MPDZ: variants seen among roughly 807,000 people sequenced by gnomAD.
The protein encoded by MPDZ is multiple PDZ domain crumbs cell polarity complex component, also known as multiple PDZ domain protein.
Under a neutral mutation model 239.1 loss-of-function variants are expected in MPDZ, and 234 were observed. The observed-to-expected ratio is 0.98, with a 90% CI of 0.88 to 1.09. The LOEUF is 1.09. Ranked by LOEUF, MPDZ falls within the 50% of genes least tolerant of loss-of-function variation. The pLI is 0.00. For missense variants in MPDZ, 3,175 were observed against 2,510.0 expected, an observed-to-expected ratio of 1.26 and a Z score of -5.66; for synonymous variants, 1,048 against 881.3, an observed-to-expected ratio of 1.19 and a Z score of -3.35.
intron 3 of MPDZ, among the ~76,000 whole-genome samples, chr9:13,236,249 G>GTATATATATA (rs1172287952): frequency 2.8e-5 from 1 of 35,864 alleles, no homozygotes; most frequent in African/African-American, 1.2e-4. Flanking sequence ...GTGTGTGTGT[G>GTATATATATA]TATATATATA....
chr9:13,160,034 G>C (rs1325855617), intron 23 of MPDZ, among the ~76,000 whole-genome samples: 1 of 152,184 alleles, frequency 6.6e-6, no homozygotes, highest in Non-Finnish European at 1.5e-5. Flanking sequence ...CTGGCAGAAA[G>C]TCACATGGTG....
intron 3 of MPDZ, among the ~76,000 whole-genome samples, chr9:13,225,923 T>G (rs1460094127): frequency 2.6e-5 from 4 of 152,038 alleles, no homozygotes; most frequent in African/African-American, 9.7e-5. Context: ...TTTGGCTGAC[T>G]CTTGACTGCA....
intron 1 of MPDZ, among the ~76,000 whole-genome samples, chr9:13,252,068 G>A (rs981408300): frequency 1.3e-5 from 2 of 152,084 alleles, no homozygotes; most frequent in African/African-American, 2.4e-5. Flanking sequence ...ATTTATTCAG[G>A]ATTAATGTCC....
At chr9:13,112,374 A>T (rs749579535) in intron 42 of MPDZ, among the ~76,000 whole-genome samples, 9 of 152,214 alleles carry the variant, frequency 5.9e-5, no homozygotes, top group Non-Finnish European at 1.3e-4. Flanking sequence ...GCTAAATGAA[A>T]ATCATGTTGT....
intron 19 of MPDZ, among the ~76,000 whole-genome samples, chr9:13,182,228 G>A (rs1323363412): frequency 6.6e-6 from 1 of 151,962 alleles, no homozygotes; most frequent in East Asian, 1.9e-4. Flanking sequence ...AAAAAAAATT[G>A]TCCAGTCTTT....
rs779393744 is a variant in MPDZ, at chr9:13,217,198, T to C, written c.1183A>G (p.Ile395Val). The stretch of plus-strand genomic sequence containing the variant: ...AAATTACCCAATTTTTTATCTCCAA[T>C]GTAGCCAGCAATGGTAATTCCTAAT... ...QGLGITIAGY[I>V]GDKKLEPSGI... The change falls in exon 9 of 47, where the codon ATT (isoleucine) becomes GTT (valine). Residue 395 changes from isoleucine (I) to valine (V), a missense_variant. Coordinates refer to ENST00000319217, the MANE Select transcript of MPDZ (RefSeq NM_001378778.1). 6.3e-7 allele frequency: 1 copy of C among 1,591,802 alleles called. No homozygotes were observed. The highest frequency in any genetic ancestry group is 2.3e-5 in the East Asian group (1 of 44,420).
At chr9:13,202,147 G>C (rs1373385109) in intron 12 of MPDZ, among the ~76,000 whole-genome samples, 1 of 152,188 alleles carries the variant, frequency 6.6e-6, no homozygotes, top group East Asian at 1.9e-4. Flanking sequence ...TTAAATGCTG[G>C]GCTGTTGTTT....
intron 24 of MPDZ, among the ~76,000 whole-genome samples, chr9:13,156,552 T>A (rs1413302482): frequency 6.6e-6 from 1 of 152,108 alleles, no homozygotes; most frequent in Admixed American, 6.6e-5. Context: ...CCATTTACTA[T>A]CAGGAGAACA....
chr9:13,143,563 T>A lies in MPDZ; in HGVS notation c.3743A>T (p.Lys1248Ile), dbSNP rs763064095. 2 of 1,612,034 alleles carry A rather than the reference T, an allele frequency of 1.2e-6. No homozygotes were observed. The highest frequency in any genetic ancestry group is 2.2e-5 in the South Asian group (2 of 91,060). Residue 1248 changes from lysine to isoleucine, a missense_variant and splice_region_variant, in exon 27 of 47, where the codon AAA (lysine) becomes ATA (isoleucine). Transcript: ENST00000319217. ...GTGCAGCAAGGAAGGCAAAGGGGATTTCTAAAAGGAAACATAAGAGGCGCT... is the reference window on the plus strand; with the variant it reads ...GTGCAGCAAGGAAGGCAAAGGGGATATCTAAAAGGAAACATAAGAGGCGCT... ...MVQSIINRPRKSPLPSLLHNL... is the reference protein window; with the variant it reads ...MVQSIINRPRISPLPSLLHNL...
chr9:13,174,115 T>A (rs1033041716), intron 21 of MPDZ, among the ~76,000 whole-genome samples: 1 of 152,206 alleles, frequency 6.6e-6, no homozygotes, highest in African/African-American at 2.4e-5. Flanking sequence ...AAATCTCCTC[T>A]TTTTAGACCT....
chr9:13,217,755 C>T (rs551208765), intron 8 of MPDZ, among the ~76,000 whole-genome samples: 116 of 151,890 alleles, frequency 7.6e-4, no homozygotes, highest in African/African-American at 2.8e-3. Context: ...AGAATAACAA[C>T]AACTAGACCA....
In MPDZ at chr9:13,183,518, T is replaced by G. The variant is rs760359366; in HGVS notation, c.2549A>C (p.Asp850Ala). 6.2e-7 allele frequency: 1 copy of G among 1,612,640 alleles called. No homozygotes were observed. Reference protein sequence around the residue: ...TFESPYSPENDSIYSTQASIL... With the variant: ...TFESPYSPENASIYSTQASIL... ...AGAGGCTTGAGTAGAGTAGATGCTGTCATTTTCAGGAGAGTATGGAGACTC... is the reference window on the plus strand; with the variant it reads ...AGAGGCTTGAGTAGAGTAGATGCTGGCATTTTCAGGAGAGTATGGAGACTC... Residue 850 changes from aspartate to alanine, a missense_variant, in exon 19 of 47, where the codon GAC becomes GCC. Physicochemically the swap from Asp to Ala is moderately radical, Grantham distance 126. Coordinates refer to ENST00000319217, the MANE Select transcript of MPDZ (RefSeq NM_001378778.1).
chr9:13,123,337 G>T lies in MPDZ; in HGVS notation c.4808-39C>A, dbSNP rs566901818. The T allele has an allele frequency of 3.6e-5, 55 of 1,541,924 alleles. 1 individual carries two copies. The South Asian group carries it at 6.6e-4, about 18-fold the overall frequency. The stretch of plus-strand genomic sequence containing the variant: ...AAAAATGAAATACAAATAAAAATTG[G>T]TTACTAAGGCATATCCATCAAACTC... On this transcript the variant is annotated intron_variant, in intron 35 of 46. Transcript: ENST00000319217.
At chr9:13,145,689 A>G (rs1587221670) in intron 26 of MPDZ, among the ~76,000 whole-genome samples, 1 of 152,062 alleles carries the variant, frequency 6.6e-6, no homozygotes, top group South Asian at 2.1e-4. Flanking sequence ...CATGTCATTC[A>G]TAACAAGATT....
In MPDZ at chr9:13,110,083, TA is replaced by T; in HGVS notation, c.5830-20del. The T allele has an allele frequency of 6.3e-7, 1 of 1,584,890 alleles. No individual in the cohort carries two copies. The highest frequency in any genetic ancestry group is 8.6e-7 in the Non-Finnish European group (1 of 1,162,250). ...CAACCACCTGCGCACAGGAGGAGGA[TA>T]AACAGAAAAAACACATGTTCCTGTG... is the stretch of plus-strand genomic sequence containing the variant. On this transcript the variant is annotated intron_variant, in intron 44 of 46. Coordinates refer to ENST00000319217, the MANE Select transcript of MPDZ (RefSeq NM_001378778.1).
intron 10 of MPDZ, among the ~76,000 whole-genome samples, chr9:13,214,414 G>A (rs919998602): frequency 6.6e-6 from 1 of 151,890 alleles, no homozygotes; most frequent in Admixed American, 6.6e-5. Flanking sequence ...GCCCAGGACT[G>A]GGAGAATGGG....
Position 13,162,704 on chromosome 9 carries a change from A to T in MPDZ, c.3346T>A (p.Ser1116Thr), listed in dbSNP as rs759645071. 1 of 1,607,250 alleles carries T rather than the reference A, an allele frequency of 6.2e-7. No homozygotes were observed. The highest frequency in any genetic ancestry group is 8.5e-7 in the Non-Finnish European group (1 of 1,175,328). Residue 1116 changes from serine (S) to threonine (T), a missense_variant, in exon 23 of 47, where the codon TCA becomes ACA. Transcript: ENST00000319217. ...TGTTTCACTTACCTGCCAGTGTATG[A>T]AGAAAAAATATCCAGTGCCATTACT... ...GRVMALDIFS[S>T]YTGRDIPELP...
At chr9:13,123,392 C>A in intron 35 of MPDZ, 94 bp from the exon 36 acceptor site, 8 of 1,037,738 alleles carry the variant, frequency 7.7e-6, no homozygotes. Flanking sequence ...AGGGATGGGG[C>A]AGAGAAATGG....
chr9:13,212,147 T>A (rs1329009497), intron 10 of MPDZ, among the ~76,000 whole-genome samples: 1 of 152,096 alleles, frequency 6.6e-6, no homozygotes, highest in African/African-American at 2.4e-5. Flanking sequence ...ATTTTGTTTA[T>A]TTAATAACAA....
Sources: allele counts gnomAD v4.1 joint callset (sites outside exome capture counted in the v4.1 genomes callset), GRCh38; gene constraint gnomAD v4.1.1; transcripts MANE v1.5; gene names NCBI Gene and HGNC (gene_info 2026-07-23, HGNC 2026-07-21).